The following RBFOX1 variants were observed in gnomAD, a reference collection of about 807,000 sequenced individuals.
The protein encoded by RBFOX1 is RNA binding protein fox-1 homolog 1.
RBFOX1 carries 8 observed loss-of-function variants against 57.7 expected under a neutral mutation model. That is an observed-to-expected ratio of 0.14 (90% CI 0.08 to 0.25). The LOEUF (loss-of-function observed/expected upper bound fraction) is 0.25, where lower values mean the gene tolerates loss of function less well. Ranked by LOEUF, RBFOX1 falls within the 10% of genes least tolerant of loss-of-function variation. The pLI, the probability that RBFOX1 is intolerant of heterozygous loss-of-function variation, is 1.00. For synonymous variants in RBFOX1, 326 were observed against 222.4 expected, an observed-to-expected ratio of 1.47 and a Z score of -4.15; for missense variants, 611 against 548.5, an observed-to-expected ratio of 1.11 and a Z score of -1.14.
intron 2 of RBFOX1, among the ~76,000 whole-genome samples, chr16:6,541,373 G>A (rs1339171544): frequency 6.6e-6 from 1 of 152,202 alleles, no homozygotes; most frequent in African/African-American, 2.4e-5. Flanking sequence ...GCCAGACACT[G>A]TTCTAAACAG....
intron 2 of RBFOX1, among the ~76,000 whole-genome samples, chr16:6,366,585 T>C (rs2089660605): frequency 6.6e-6 from 1 of 152,226 alleles, no homozygotes; most frequent in South Asian, 2.1e-4. Context: ...AGACCACTGA[T>C]ACTTATGTCA....
At chr16:7,600,191 C>T (rs760645768) in intron 9 of RBFOX1, among the ~76,000 whole-genome samples, 2 of 152,168 alleles carry the variant, frequency 1.3e-5, no homozygotes, top group South Asian at 4.1e-4. Flanking sequence ...CACGTACCTG[C>T]AAAAGGGAAC....
intron 3 of RBFOX1, among the ~76,000 whole-genome samples, chr16:6,727,126 A>G (rs1435660943): frequency 6.6e-6 from 1 of 150,764 alleles, no homozygotes; most frequent in African/African-American, 2.4e-5. Flanking sequence ...GTGTGTGTGT[A>G]TATATAAAAC....
At chr16:5,860,958 T>C (rs2057197914) in intron 3 of RBFOX1, among the ~76,000 whole-genome samples, 2 of 152,196 alleles carry the variant, frequency 1.3e-5, no homozygotes, top group African/African-American at 4.8e-5. Context: ...CTCTCGCTTT[T>C]TGTGGCTAGG....
At chr16:6,078,051 A>T (rs1249303830) in intron 1 of RBFOX1, among the ~76,000 whole-genome samples, 1 of 152,188 alleles carries the variant, frequency 6.6e-6, no homozygotes, top group Non-Finnish European at 1.5e-5. Flanking sequence ...ACCAGTTATC[A>T]GGAGTGTCTT....
chr16:7,271,842 C>G (rs190263114), intron 4 of RBFOX1, among the ~76,000 whole-genome samples: 160 of 152,184 alleles, frequency 1.1e-3, no homozygotes, highest in African/African-American at 3.7e-3. Flanking sequence ...AATCTCAAAG[C>G]TATGGCCAAG....
intron 3 of RBFOX1, among the ~76,000 whole-genome samples, chr16:6,774,628 TTGTA>T (rs375312794): frequency 4.5e-4 from 68 of 152,268 alleles, no homozygotes; most frequent in African/African-American, 1.5e-3. Flanking sequence ...TAGGAATTAA[TTGTA>T]TGAGCTATAT....
At chr16:5,839,843 C>T (rs2056572167) in intron 3 of RBFOX1, among the ~76,000 whole-genome samples, 1 of 152,026 alleles carries the variant, frequency 6.6e-6, no homozygotes, top group East Asian at 1.9e-4. Context: ...GAGAAGATGC[C>T]CTCACCAGTA....
Position 6,951,177 on chromosome 16 carries a change from G to T in RBFOX1, c.-15-100880G>T, listed in dbSNP as rs561731724. ...CAGCATCAGCTTCCCAAAGTGTTGGGATTATAGGTGTGAGCCAACAGGCCC... is the reference window on the plus strand; with the variant it reads ...CAGCATCAGCTTCCCAAAGTGTTGGTATTATAGGTGTGAGCCAACAGGCCC... On this transcript the variant is annotated intron_variant, in intron 3 of 15. Transcript: ENST00000550418. 3.3e-5 allele frequency among the ~76,000 whole-genome samples: 5 copies of T among 152,200 alleles called. No homozygotes were observed. The South Asian group carries it at 8.3e-4, about 25-fold the overall frequency.
At chr16:7,505,036 G>T (rs1267073600) in intron 4 of RBFOX1, among the ~76,000 whole-genome samples, 2 of 151,076 alleles carry the variant, frequency 1.3e-5, no homozygotes, top group African/African-American at 4.9e-5. Context: ...CAGGGCAACG[G>T]TGGATGGTTT....
chr16:6,863,680 A>AAG (rs1187660965), intron 3 of RBFOX1, among the ~76,000 whole-genome samples: 2 of 147,350 alleles, frequency 1.4e-5, no homozygotes, highest in Non-Finnish European at 3.0e-5. Context: ...TAAAAAAAAA[A>AAG]AAAGAAAAAA....
chr16:5,976,187 T>G (rs2060059275), intron 4 of RBFOX1, among the ~76,000 whole-genome samples: 1 of 151,952 alleles, frequency 6.6e-6, no homozygotes, highest in Non-Finnish European at 1.5e-5. Flanking sequence ...ATAAAATAAT[T>G]AGTATTTTCT....
chr16:6,137,226 C>G (rs1184369036), intron 1 of RBFOX1, among the ~76,000 whole-genome samples: 1 of 152,188 alleles, frequency 6.6e-6, no homozygotes, highest in East Asian at 1.9e-4. Flanking sequence ...ATAAAGATAT[C>G]TGCCATTTAT....
chr16:7,623,319 T>C (rs902460285), intron 10 of RBFOX1, among the ~76,000 whole-genome samples: 3 of 152,202 alleles, frequency 2.0e-5, no homozygotes, highest in African/African-American at 7.2e-5. Flanking sequence ...TCTATTATTA[T>C]TACATTGTAA....
chr16:6,184,685 G>A (rs937647016), intron 1 of RBFOX1, among the ~76,000 whole-genome samples: 3 of 151,812 alleles, frequency 2.0e-5, no homozygotes, highest in African/African-American at 7.3e-5. Flanking sequence ...TCACCGTCTC[G>A]AGTAGCTGGG....
chr16:7,084,106 G>C (rs944280332), intron 4 of RBFOX1, among the ~76,000 whole-genome samples: 27 of 152,162 alleles, frequency 1.8e-4, no homozygotes, highest in Non-Finnish European at 4.4e-5. Flanking sequence ...GCAAATAAAT[G>C]TGTGGGACAG....
intron 3 of RBFOX1, among the ~76,000 whole-genome samples, chr16:6,847,014 G>A (rs920251815): frequency 6.6e-6 from 1 of 152,046 alleles, no homozygotes; most frequent in Non-Finnish European, 1.5e-5. Flanking sequence ...AAAAGGGGAA[G>A]GTGTTAAATC....
intron 2 of RBFOX1, among the ~76,000 whole-genome samples, chr16:6,617,508 T>G (rs548889791): frequency 6.6e-6 from 1 of 152,092 alleles, no homozygotes; most frequent in African/African-American, 2.4e-5. Context: ...CTAGCAGAAG[T>G]TTCACTGGAC....
At chr16:7,385,416 G>C (rs2097858881) in intron 4 of RBFOX1, among the ~76,000 whole-genome samples, 1 of 152,196 alleles carries the variant, frequency 6.6e-6, no homozygotes, top group Non-Finnish European at 1.5e-5. Context: ...ACCCAGTGGA[G>C]GTGAAGGGAG....
Sources: allele counts gnomAD v4.1 joint callset (sites outside exome capture counted in the v4.1 genomes callset), GRCh38; gene constraint gnomAD v4.1.1; transcripts MANE v1.5; gene names NCBI Gene and HGNC (gene_info 2026-07-23, HGNC 2026-07-21).